The following ROBO2 variants were observed in gnomAD, a reference collection of about 807,000 sequenced individuals.
The protein encoded by ROBO2 is roundabout homolog 2.
A neutral mutation model predicts 160.8 loss-of-function variants in ROBO2; 53 were observed. The ratio of observed to expected loss-of-function variants is 0.33; its 90% CI spans 0.26 to 0.41. ROBO2 has a LOEUF of 0.41. Among genes scored for constraint, ROBO2 ranks in the 10% least tolerant of loss-of-function variants. The probability of loss-of-function intolerance (pLI) is 1.00; values close to 1 mark genes in which losing one functional copy is unlikely to be tolerated. For synonymous variants in ROBO2, 664 were observed against 611.7 expected (o/e 1.09, Z -1.26); for missense variants, 1,577 against 1,722.4 (o/e 0.92, Z 1.49).
chr3:76,429,610 A>T (rs2076355925), intron 2 of ROBO2, among the ~76,000 whole-genome samples: 1 of 152,198 alleles, frequency 6.6e-6, no homozygotes, highest in African/African-American at 2.4e-5. Flanking sequence ...ATTAAAAGCA[A>T]ACTAAGTAGA....
chr3:76,758,316 A>T (rs2061103462), intron 2 of ROBO2, among the ~76,000 whole-genome samples: 1 of 151,768 alleles, frequency 6.6e-6, no homozygotes, highest in Non-Finnish European at 1.5e-5. Flanking sequence ...TAAAGACTAG[A>T]TGAGACAAGC....
At chr3:76,908,207 T>G (rs933380652) in intron 2 of ROBO2, among the ~76,000 whole-genome samples, 6 of 143,070 alleles carry the variant, frequency 4.2e-5, no homozygotes, top group Non-Finnish European at 9.3e-5. Flanking sequence ...AACCTCCAAA[T>G]TAAGAAAAAA....
intron 2 of ROBO2, among the ~76,000 whole-genome samples, chr3:76,058,842 T>C (rs2067958771): frequency 4.9e-5 from 6 of 122,444 alleles, no homozygotes; most frequent in East Asian, 2.7e-4. Flanking sequence ...ATGTTCCCCT[T>C]CCTGTGTCCA....
At chr3:77,477,933 T>A (rs954756476) in intron 3 of ROBO2, among the ~76,000 whole-genome samples, 1 of 150,984 alleles carries the variant, frequency 6.6e-6, no homozygotes, top group Non-Finnish European at 1.5e-5. Flanking sequence ...TTCAAGTGAT[T>A]CTTCTGCCTT....
chr3:76,700,462 T>C lies in ROBO2; in HGVS notation c.110-397552T>C, dbSNP rs562998504. Among the ~76,000 whole-genome samples, 3 of 152,220 alleles carry C rather than the reference T, an allele frequency of 2.0e-5. No homozygotes were observed. In the South Asian group the frequency reaches 6.2e-4, roughly 32 times the overall value. ...CCAGAGAGACACCAGTATATATTTGTTGGGAAATAAAATTTTTAACTCTGT... is the reference window on the plus strand; with the variant it reads ...CCAGAGAGACACCAGTATATATTTGCTGGGAAATAAAATTTTTAACTCTGT... On this transcript the variant is annotated intron_variant, in intron 2 of 26. Transcript: ENST00000487694.
chr3:76,821,123 C>A (rs1479531861), intron 2 of ROBO2, among the ~76,000 whole-genome samples: 3 of 151,768 alleles, frequency 2.0e-5, no homozygotes, highest in Non-Finnish European at 4.4e-5. Context: ...TGCGTATTGT[C>A]AAAACAATCG....
chr3:75,935,786 A>G (rs1576204447), intron 1 of ROBO2, among the ~76,000 whole-genome samples: 1 of 152,204 alleles, frequency 6.6e-6, no homozygotes, highest in African/African-American at 2.4e-5. Context: ...TTGGACTACA[A>G]TTGGGAGATC....
intron 2 of ROBO2, among the ~76,000 whole-genome samples, chr3:76,969,764 T>C (rs908417031): frequency 2.0e-5 from 3 of 152,096 alleles, no homozygotes; most frequent in Admixed American, 6.6e-5. Context: ...AGAGGACGAT[T>C]TTTCTTAAGC....
At chr3:77,130,084 A>G (rs2075711958) in intron 2 of ROBO2, among the ~76,000 whole-genome samples, 1 of 152,150 alleles carries the variant, frequency 6.6e-6, no homozygotes, top group Non-Finnish European at 1.5e-5. Flanking sequence ...ATTTGCTTCA[A>G]CTGTTAAACA....
intron 2 of ROBO2, among the ~76,000 whole-genome samples, chr3:77,160,148 T>C (rs1444613116): frequency 6.6e-6 from 1 of 152,118 alleles, no homozygotes; most frequent in Non-Finnish European, 1.5e-5. Flanking sequence ...ATTAGCCTAA[T>C]AATAATTGTA....
intron 2 of ROBO2, among the ~76,000 whole-genome samples, chr3:76,670,129 T>A (rs1382865419): frequency 6.6e-6 from 1 of 152,220 alleles, no homozygotes; most frequent in African/African-American, 2.4e-5. Flanking sequence ...GCAAAATACC[T>A]TGTATAATTT....
rs181694603 is a variant in ROBO2 at position 77,275,367 on chromosome 3, G to A, written c.388+177027G>A. ...TAGGTAGAACTTTAATAGAACTTTA[G>A]CATCTTATAATGTCATATCCCTGAT... On this transcript the variant is annotated intron_variant, in intron 2 of 25. Coordinates refer to ENST00000461745, the Ensembl canonical transcript of ROBO2. Among the ~76,000 whole-genome samples, 428 of 152,194 alleles carry A rather than the reference G, an allele frequency of 2.8e-3. 12 individuals are homozygous for A. Among genetic ancestry groups the A allele is most frequent in the Non-Finnish European group, 7.6e-4 (52 of 67,976 alleles).
rs568841807 is a variant in ROBO2, at chr3:76,036,752, C to T, written c.109+99150C>T. On this transcript the variant is annotated intron_variant, in intron 2 of 26. Coordinates refer to the ROBO2 transcript ENST00000487694. ...CTCCCGACCTCAGGTGATCTGCCCA[C>T]CTCGGCCTCCCAAAGTGCTGGGATT... Among the ~76,000 whole-genome samples, 3 of 152,084 alleles carry T rather than the reference C, an allele frequency of 2.0e-5. No homozygotes were observed. The South Asian group carries it at 6.2e-4, about 32-fold the overall frequency.
chr3:75,913,204 C>T (rs1337589986), intron 1 of ROBO2, among the ~76,000 whole-genome samples: 3 of 152,150 alleles, frequency 2.0e-5, no homozygotes, highest in African/African-American at 4.8e-5. Flanking sequence ...TTGTCTCCTC[C>T]TTTAACTTTG....
intron 2 of ROBO2, among the ~76,000 whole-genome samples, chr3:76,753,123 G>C (rs2060773000): frequency 6.6e-6 from 1 of 151,852 alleles, no homozygotes; most frequent in African/African-American, 2.4e-5. Context: ...GACTTAAATA[G>C]ACAAAGAAAC....
At chr3:75,907,419 T>C (rs1219478713) in intron 1 of ROBO2, among the ~76,000 whole-genome samples, 1 of 152,084 alleles carries the variant, frequency 6.6e-6, no homozygotes, top group East Asian at 1.9e-4. Flanking sequence ...GTTGGGACTC[T>C]TCCTTTCCAC....
At chr3:77,086,346 A>C (rs2069306576) in intron 1 of ROBO2, among the ~76,000 whole-genome samples, 1 of 152,144 alleles carries the variant, frequency 6.6e-6, no homozygotes, top group Non-Finnish European at 1.5e-5. Flanking sequence ...TTCGACTGAT[A>C]CTGCTATGTT....
intron 2 of ROBO2, among the ~76,000 whole-genome samples, chr3:77,165,868 T>G (rs2079030189): frequency 1.3e-5 from 2 of 152,304 alleles, no homozygotes; most frequent in African/African-American, 4.8e-5. Flanking sequence ...TCCCCAACTT[T>G]TCTATTTTTA....
chr3:76,882,988 G>A (rs1167927635), intron 2 of ROBO2, among the ~76,000 whole-genome samples: 1 of 152,096 alleles, frequency 6.6e-6, no homozygotes, highest in Non-Finnish European at 1.5e-5. Context: ...ATCTGTAAAA[G>A]GATATTAACC....
Sources: gnomAD v4.1 joint callset for allele counts (sites outside exome capture counted in the v4.1 genomes callset) on GRCh38, gnomAD v4.1.1 for gene constraint, MANE v1.5 for transcripts, NCBI Gene and HGNC (gene_info 2026-07-23, HGNC 2026-07-21) for gene names.